Variants in WAPL observed in about 807,000 individuals in gnomAD.
The protein encoded by WAPL is WAPL cohesin release factor.
Under a neutral mutation model 121.0 loss-of-function variants are expected in WAPL, and 5 were observed. The observed-to-expected ratio is 0.04, with a 90% CI of 0.02 to 0.09. The LOEUF is 0.09. Among genes scored for constraint, WAPL ranks in the 10% least tolerant of loss-of-function variants. The pLI is 1.00. For missense variants in WAPL, 999 were observed against 1,410.8 expected, an observed-to-expected ratio of 0.71 and a Z score of 4.68; for synonymous variants, 480 against 481.5, an observed-to-expected ratio of 1.00 and a Z score of 0.04.
At chr10:86,467,872 G>A (rs537889866) in intron 8 of WAPL, among the ~76,000 whole-genome samples, 1 of 151,818 alleles carries the variant, frequency 6.6e-6, no homozygotes, top group Admixed American at 6.6e-5. Context: ...TAGAGACGGG[G>A]TTTCACGGTG....
chr10:86,499,675 G>A, intron 3 of WAPL, 43 bp downstream of exon 3: 1 of 1,518,084 alleles, frequency 6.6e-7, no homozygotes, highest in Non-Finnish European at 8.8e-7. Flanking sequence ...TGCAGGTAAG[G>A]GGGAACTATT....
At chr10:86,518,453 C>T (rs568573635) in intron 1 of WAPL, among the ~76,000 whole-genome samples, 16 of 152,192 alleles carry the variant, frequency 1.1e-4, no homozygotes, top group Non-Finnish European at 2.4e-4. Context: ...AAAAAATTAT[C>T]TGTATAGAGG....
At chr10:86,470,343 C>T (rs1589511909) in intron 8 of WAPL, among the ~76,000 whole-genome samples, 1 of 151,992 alleles carries the variant, frequency 6.6e-6, no homozygotes, top group East Asian at 1.9e-4. Flanking sequence ...CCAGAAGATG[C>T]AGTATTAAAT....
At position 86,500,425 on chromosome 10, in the gene WAPL, T is replaced by C; in HGVS notation, c.818A>G (p.Glu273Gly). The C allele has an allele frequency of 6.2e-7, 1 of 1,614,212 alleles. No individual in the cohort carries two copies. The highest frequency in any genetic ancestry group is 8.5e-7 in the Non-Finnish European group (1 of 1,180,038). Residue 273 changes from glutamate (E) to glycine (G), a missense_variant, in exon 3 of 19, where the codon GAA becomes GGA. By Grantham distance (98) the Glu-to-Gly change is moderately conservative. Transcript: ENST00000298767. ...MKDDDFKNRL[E>G]NLNEAIEEDI... Reference sequence around the variant, plus strand: ...TTCCTCAATGGCTTCATTCAGATTTTCCAATCGATTTTTAAAATCGTCATC... The same window carrying C: ...TTCCTCAATGGCTTCATTCAGATTTCCCAATCGATTTTTAAAATCGTCATC...
chr10:86,483,801 T>C (rs1304621664), intron 4 of WAPL, among the ~76,000 whole-genome samples: 4 of 135,896 alleles, frequency 2.9e-5, no homozygotes, highest in Admixed American at 1.5e-4. Context: ...TTTCTTTTTT[T>C]TTTTTTTTTT....
intron 3 of WAPL, among the ~76,000 whole-genome samples, chr10:86,498,089 T>G (rs1272458533): frequency 6.6e-6 from 1 of 152,222 alleles, no homozygotes; most frequent in African/African-American, 2.4e-5. Context: ...TAGCATCTAC[T>G]TCAAGTTTCT....
chr10:86,521,664 G>A lies in WAPL; in HGVS notation c.-322C>T, dbSNP rs756421602. ...TGTGTGCCCCCGCTGGGCCGCCGCC[G>A]CCTCCTGCGCCGCCGCTTCCGCCGG... On this transcript the variant is annotated 5_prime_UTR_variant, in exon 1 of 19. Coordinates refer to ENST00000298767, the MANE Select transcript of WAPL (RefSeq NM_015045.5). 1 of 462,542 alleles carries A rather than the reference G, an allele frequency of 2.2e-6. No homozygotes were observed. Among genetic ancestry groups the A allele is most frequent in the Admixed American group, 2.4e-5 (1 of 41,994 alleles). The allele number at this position is 462,542 out of a possible 1,614,324, so 28.7% of individuals were successfully genotyped here.
chr10:86,501,687 C>T (rs1842250007), intron 2 of WAPL, among the ~76,000 whole-genome samples: 1 of 152,160 alleles, frequency 6.6e-6, no homozygotes, highest in Non-Finnish European at 1.5e-5. Context: ...AATAGGTTTT[C>T]CTGCCCTCAA....
At chr10:86,462,490 C>A (rs371544185) in intron 9 of WAPL, among the ~76,000 whole-genome samples, 4 of 151,880 alleles carry the variant, frequency 2.6e-5, no homozygotes, top group Non-Finnish European at 4.4e-5. Flanking sequence ...GAGGCCGAGG[C>A]GGGCTGATCA....
At chr10:86,461,969 G>T (rs370509873) in intron 9 of WAPL, among the ~76,000 whole-genome samples, 20 of 152,126 alleles carry the variant, frequency 1.3e-4, no homozygotes, top group African/African-American at 3.9e-4. Context: ...GCATACTGCG[G>T]GCTTAGCAGC....
Position 86,457,431 on chromosome 10 carries a change from T to A in WAPL, c.2657+1558A>T, listed in dbSNP as rs1391871372. On this transcript the variant is annotated intron_variant, in intron 12 of 18. Transcript: ENST00000298767. ...ACTTTGGGAGGCCAAGGCGGGTGGA[T>A]CACCTGAGGTCAGGAGTTCGAGACC... Among the ~76,000 whole-genome samples, 2 of 150,518 alleles carry A rather than the reference T, an allele frequency of 1.3e-5. 1 individual carries two copies. Among genetic ancestry groups the A allele is most frequent in the Admixed American group, 1.3e-4 (2 of 15,132 alleles).
chr10:86,485,035 GCTCT>G (rs536145547), intron 4 of WAPL, among the ~76,000 whole-genome samples: 1 of 151,128 alleles, frequency 6.6e-6, no homozygotes, highest in Non-Finnish European at 1.5e-5. Flanking sequence ...GCTCACTCGT[GCTCT>G]CTCTCTCCCC....
chr10:86,474,611 C>T (rs1841609895), intron 4 of WAPL, among the ~76,000 whole-genome samples: 1 of 151,924 alleles, frequency 6.6e-6, no homozygotes, highest in South Asian at 2.1e-4. Context: ...TGCCTGTAAT[C>T]CCAGCACTTT....
At chr10:86,494,382 C>T (rs1244706533) in intron 4 of WAPL, among the ~76,000 whole-genome samples, 4 of 152,192 alleles carry the variant, frequency 2.6e-5, no homozygotes, top group Admixed American at 2.0e-4. Context: ...CTGGAAAGAT[C>T]GACAAACTAT....
chr10:86,447,316 A>G (rs1390347929), intron 15 of WAPL, among the ~76,000 whole-genome samples: 1 of 152,234 alleles, frequency 6.6e-6, no homozygotes, highest in Admixed American at 6.5e-5. Flanking sequence ...ATAAAAATGT[A>G]TTAGAAGAGA....
At chr10:86,438,065 T>C in intron 17 of WAPL, 50 bp from the exon 18 acceptor site, 2 of 1,360,004 alleles carry the variant, frequency 1.5e-6, no homozygotes, top group Non-Finnish European at 2.1e-6. Flanking sequence ...AAACATGAGA[T>C]TGCACCTCGT....
chr10:86,440,520 C>T (rs139591195), intron 17 of WAPL, among the ~76,000 whole-genome samples: 5,610 of 151,930 alleles, frequency 0.037, 238 homozygotes, highest in Admixed American at 0.13. Flanking sequence ...AGGATGGTCT[C>T]GATCTCCTGA....
intron 4 of WAPL, among the ~76,000 whole-genome samples, chr10:86,486,391 C>A (rs1350784230): frequency 1.3e-5 from 2 of 152,132 alleles, no homozygotes; most frequent in Non-Finnish European, 2.9e-5. Flanking sequence ...CCCGTATAAA[C>A]TCATTTTATA....
intron 17 of WAPL, among the ~76,000 whole-genome samples, chr10:86,439,393 A>C (rs1177203504): frequency 6.6e-6 from 1 of 152,200 alleles, no homozygotes; most frequent in Non-Finnish European, 1.5e-5. Flanking sequence ...GCTCAGTAGA[A>C]AAGTACGCCT....
Sources: gnomAD v4.1 joint callset for allele counts (sites outside exome capture counted in the v4.1 genomes callset) on GRCh38, gnomAD v4.1.1 for gene constraint, MANE v1.5 for transcripts, NCBI Gene and HGNC (gene_info 2026-07-23, HGNC 2026-07-21) for gene names.